The following CNKSR3 variants were observed in gnomAD, a reference collection of about 807,000 sequenced individuals.
The protein encoded by CNKSR3 is CNKSR family member 3.
Under a neutral mutation model 67.7 loss-of-function variants are expected in CNKSR3, and 36 were observed. The observed-to-expected ratio is 0.53, with a 90% CI of 0.41 to 0.70. CNKSR3 has a LOEUF of 0.70. Among genes scored for constraint, CNKSR3 ranks in the 30% least tolerant of loss-of-function variants. The pLI is 0.00. For missense variants in CNKSR3, 630 were observed against 695.2 expected, an observed-to-expected ratio of 0.91 and a Z score of 1.05; for synonymous variants, 281 against 271.4, an observed-to-expected ratio of 1.04 and a Z score of -0.35.
chr6:154,416,625 A>G (rs548556411), intron 9 of CNKSR3, among the ~76,000 whole-genome samples: 2 of 152,284 alleles, frequency 1.3e-5, no homozygotes, highest in South Asian at 4.1e-4. Context: ...TGCCTTTTCT[A>G]TGATAGGACA....
rs1336248410 is a variant in CNKSR3, at chr6:154,402,745, A to G, written c.*3609T>C. On this transcript the variant is annotated 3_prime_UTR_variant, in exon 13 of 13. Coordinates refer to ENST00000607772, the MANE Select transcript of CNKSR3 (RefSeq NM_173515.4). ...TAAAGAATTGGCCACATTTTAGAAA[A>G]TCATACTGCTGACATCGACCCCTTT... is the stretch of plus-strand genomic sequence containing the variant. The G allele has an allele frequency of 1.3e-5, 2 of 152,206 alleles. No individual in the cohort carries two copies. Among genetic ancestry groups the G allele is most frequent in the African/African-American group, 4.8e-5 (2 of 41,440 alleles). 9.4% of individuals were successfully genotyped at this position (152,206 alleles called of 1,614,324 possible).
chr6:154,426,408 G>A (rs1785256737), intron 7 of CNKSR3, among the ~76,000 whole-genome samples: 1 of 151,886 alleles, frequency 6.6e-6, no homozygotes, highest in Non-Finnish European at 1.5e-5. Flanking sequence ...CACCCAGGCT[G>A]GACTGTGCAG....
rs1216547028 is a variant in CNKSR3 at position 154,406,357 on chromosome 6, G to C, written c.1665C>G (p.His555Gln). 1 of 1,610,726 alleles carries C rather than the reference G, an allele frequency of 6.2e-7. No homozygotes were observed. Among genetic ancestry groups the C allele is most frequent in the Admixed American group, 1.7e-5 (1 of 59,598 alleles). ...SWFTRLKLLT[H>Q] The stretch of plus-strand genomic sequence containing the variant: ...GGTGGCCTGAGCAGGGTCCCTCTCA[G>C]TGAGTCAACAGTTTGAGGCGCGTAA... The change falls in exon 13 of 13, where the codon CAC becomes CAG. Residue 555 changes from histidine (H) to glutamine (Q), a missense_variant. Around this residue, in one of 3 missense-constraint regions of CNKSR3, gnomAD observed 308 missense variants for 299.6 expected, o/e 1.03. Transcript: ENST00000607772.
In CNKSR3 at chr6:154,398,784, T is replaced by C. The variant is rs1372671545; in HGVS notation, c.*7570A>G. The C allele has an allele frequency of 6.6e-6, 1 of 152,134 alleles. No individual in the cohort carries two copies. The highest frequency in any genetic ancestry group is 1.5e-5 in the Non-Finnish European group (1 of 68,028). 9.4% of individuals were successfully genotyped at this position (152,134 alleles called of 1,614,324 possible). The stretch of plus-strand genomic sequence containing the variant: ...ATGATGATGACAAATCAAGTCAATA[T>C]TGAAAGAATACTCTAGGCGGGGCGC... On this transcript the variant is annotated 3_prime_UTR_variant, in exon 13 of 13. Transcript: ENST00000607772.
At chr6:154,420,647 C>T (rs56249345) in intron 9 of CNKSR3, among the ~76,000 whole-genome samples, 24,502 of 137,258 alleles carry the variant, frequency 0.18, 2,822 homozygotes, top group East Asian at 0.39. Flanking sequence ...CGAGATCCCG[C>T]CACTGCACTC....
At chr6:154,447,853 C>T (rs1382682856) in intron 2 of CNKSR3, among the ~76,000 whole-genome samples, 1 of 152,020 alleles carries the variant, frequency 6.6e-6, no homozygotes, top group African/African-American at 2.4e-5. Flanking sequence ...CAAAGCATCA[C>T]CAATTTATAT....
At chr6:154,496,180 C>G (rs1396147538) in intron 1 of CNKSR3, among the ~76,000 whole-genome samples, 8 of 152,174 alleles carry the variant, frequency 5.3e-5, no homozygotes, top group Admixed American at 5.2e-4. Context: ...GTACCCACAT[C>G]CTAAATCTTG....
intron 1 of CNKSR3, among the ~76,000 whole-genome samples, chr6:154,496,980 A>G (rs916155104): frequency 1.3e-5 from 2 of 152,124 alleles, no homozygotes; most frequent in African/African-American, 4.8e-5. Flanking sequence ...TGGTTTCCTT[A>G]ACTCTAAGAT....
chr6:154,494,188 C>T (rs577838255), intron 1 of CNKSR3, among the ~76,000 whole-genome samples: 30 of 152,270 alleles, frequency 2.0e-4, no homozygotes, highest in African/African-American at 6.3e-4. Flanking sequence ...AACTTACAAT[C>T]GTGGTGGAAG....
intron 1 of CNKSR3, among the ~76,000 whole-genome samples, chr6:154,484,714 A>T (rs904620214): frequency 1.1e-4 from 17 of 151,858 alleles, no homozygotes; most frequent in Admixed American, 7.9e-4. Flanking sequence ...AAAAAAAAAA[A>T]AGATACTCCT....
intron 1 of CNKSR3, among the ~76,000 whole-genome samples, chr6:154,508,471 G>T (rs575192304): frequency 6.6e-6 from 1 of 152,184 alleles, no homozygotes; most frequent in East Asian, 1.9e-4. Context: ...AACAGTAGCT[G>T]AAATTTGCAG....
intron 2 of CNKSR3, 126 bp downstream of exon 2, chr6:154,449,969 C>G: frequency 1.0e-6 from 1 of 969,304 alleles, no homozygotes; most frequent in East Asian, 2.6e-5. Flanking sequence ...GTATCTTCAG[C>G]TCATGTTTTA....
chr6:154,464,850 G>A (rs753449033), intron 1 of CNKSR3, among the ~76,000 whole-genome samples: 2 of 151,862 alleles, frequency 1.3e-5, no homozygotes, highest in Non-Finnish European at 2.9e-5. Context: ...AAACTTCAAA[G>A]TGGTCTGTGG....
intron 9 of CNKSR3, among the ~76,000 whole-genome samples, chr6:154,420,688 C>CAAAA (rs1166654953): frequency 1.3e-5 from 1 of 79,382 alleles, no homozygotes; most frequent in Admixed American, 1.5e-4. Context: ...GACTCCGTCT[C>CAAAA]AAAAAAAAAA....
chr6:154,394,340 G>T lies in CNKSR3; in HGVS notation c.*12014C>A, dbSNP rs4870282. ...ATTATTGTCACTTCTAGGCCAGGTT[G>T]GTTGAGTATTCACTTTCCTGGGACC... On this transcript the variant is annotated 3_prime_UTR_variant, in exon 13 of 13. Transcript: ENST00000607772. 4 of 151,978 alleles carry T rather than the reference G, an allele frequency of 2.6e-5. No individual in the cohort carries two copies. The highest frequency in any genetic ancestry group is 2.4e-5 in the African/African-American group (1 of 41,474). 9.4% of individuals were successfully genotyped at this position (151,978 alleles called of 1,614,324 possible). A position where few individuals can be genotyped will look rare whatever the true frequency, so the allele number is the denominator to read the frequency against.
At chr6:154,486,668 AT>A (rs1470337356) in intron 1 of CNKSR3, among the ~76,000 whole-genome samples, 1 of 149,048 alleles carries the variant, frequency 6.7e-6, no homozygotes, top group Non-Finnish European at 1.5e-5. Flanking sequence ...AATCTTTTGT[AT>A]TTTTAGTAGA....
intron 2 of CNKSR3, among the ~76,000 whole-genome samples, chr6:154,449,379 G>T (rs1785774541): frequency 6.6e-6 from 1 of 152,178 alleles, no homozygotes; most frequent in South Asian, 2.1e-4. Context: ...CTAGAGTGCA[G>T]TGGTGCGATC....
intron 7 of CNKSR3, among the ~76,000 whole-genome samples, chr6:154,423,625 T>A (rs1219579534): frequency 2.0e-5 from 3 of 152,178 alleles, no homozygotes; most frequent in East Asian, 1.9e-4. Context: ...CTTACACATA[T>A]CCTTATCAAA....
intron 4 of CNKSR3, among the ~76,000 whole-genome samples, chr6:154,439,523 C>T (rs1490208853): frequency 6.6e-6 from 1 of 152,190 alleles, no homozygotes; most frequent in Non-Finnish European, 1.5e-5. Context: ...AATGTACCAA[C>T]AAGCAAAACT....
Sources: gnomAD v4.1 joint callset for allele counts (sites outside exome capture counted in the v4.1 genomes callset) on GRCh38, gnomAD v4.1.1 for gene constraint, gnomAD v4.1.1 regional missense constraint, MANE v1.5 for transcripts, NCBI Gene and HGNC (gene_info 2026-07-23, HGNC 2026-07-21) for gene names.